The following LETM1 variants were observed in gnomAD, a reference collection of about 807,000 sequenced individuals.
LETM1 encodes the protein leucine zipper and EF-hand containing transmembrane protein 1.
In LETM1, 50 loss-of-function variants were observed where a neutral mutation model predicts 74.5. The observed-to-expected ratio is 0.67, with a 90% CI of 0.53 to 0.85. LETM1 has a LOEUF of 0.85. Ranked by LOEUF, LETM1 falls within the 40% of genes least tolerant of loss-of-function variation. The probability of loss-of-function intolerance (pLI) is 0.00; values close to 1 mark genes in which losing one functional copy is unlikely to be tolerated. For synonymous variants in LETM1, 446 were observed against 407.1 expected (o/e 1.10, Z -1.15); for missense variants, 824 against 967.8 (o/e 0.85, Z 1.97).
intron 1 of LETM1, among the ~76,000 whole-genome samples, chr4:1,853,751 C>A (rs1458498186): frequency 3.9e-5 from 6 of 152,144 alleles, no homozygotes; most frequent in Non-Finnish European, 8.8e-5. Flanking sequence ...TGACAACGAA[C>A]CCTACTCATC....
At chr4:1,815,519 G>A in intron 13 of LETM1, 145 bp downstream of exon 13, 1 of 725,148 alleles carries the variant, frequency 1.4e-6, no homozygotes, top group Admixed American at 2.8e-5. Flanking sequence ...CGGCTTAAAG[G>A]AGCAGTCGCA....
intron 6 of LETM1, among the ~76,000 whole-genome samples, chr4:1,831,899 G>C (rs1453607665): frequency 6.6e-6 from 1 of 152,228 alleles, no homozygotes; most frequent in Non-Finnish European, 1.5e-5. Flanking sequence ...GGACCACCCA[G>C]TTATTAGAGT....
chr4:1,815,721 C>T lies in LETM1; in HGVS notation c.2013G>A (p.Leu671=), dbSNP rs202176358. The change falls in exon 13 of 14, where the codon CTG becomes CTA. Residue 671 remains leucine (L), a synonymous_variant. Transcript: ENST00000302787. ...KHIPESKLTS[L]AAALDENKDG... is the part of the protein sequence containing the mutation. ...CCTTGTTTTCATCCAGTGCTGCGGC[C>T]AGGCTGGTGAGCTTGCTTTCGGGAA... The T allele has an allele frequency of 6.2e-7, 1 of 1,614,234 alleles. No individual in the cohort carries two copies. The highest frequency in any genetic ancestry group is 1.3e-5 in the African/African-American group (1 of 75,066).
Position 1,822,288 on chromosome 4 carries a change from C to T in LETM1, c.1501G>A (p.Val501Ile). ...VAKDFEPERV[V>I]AAPQRPGTEP... ...GTCCCCGGCCTTTGGGGAGCAGCTACCACACGTTCGGGCTCAAAATCCTTC... is the reference window on the plus strand; with the variant it reads ...GTCCCCGGCCTTTGGGGAGCAGCTATCACACGTTCGGGCTCAAAATCCTTC... The change falls in exon 10 of 14, where the codon GTA becomes ATA. Residue 501 changes from valine (V) to isoleucine (I), a missense_variant. Val to Ile is a conservative substitution (Grantham distance 29, BLOSUM62 3). Around this residue, in one of 4 missense-constraint regions of LETM1, gnomAD observed 172 missense variants for 170.7 expected, o/e 1.01. Transcript: ENST00000302787. 6.5e-7 allele frequency: 1 copy of T among 1,530,620 alleles called. No individual in the cohort carries two copies. The highest frequency in any genetic ancestry group is 8.8e-7 in the Non-Finnish European group (1 of 1,131,064). The allele number at this position is 1,530,620 out of a possible 1,614,324, so 94.8% of individuals were successfully genotyped here. A position where few individuals can be genotyped will look rare whatever the true frequency, so the allele number is the denominator to read the frequency against.
rs532115441 is a variant in LETM1 at position 1,841,228 on chromosome 4, C to T, written c.594+119G>A. The T allele has an allele frequency of 1.6e-3, 1,355 of 873,814 alleles. 25 individuals are homozygous for T. In the South Asian group the frequency reaches 0.022, roughly 14 times the overall value. The allele number at this position is 873,814 out of a possible 1,614,324, so 54.1% of individuals were successfully genotyped here. The stretch of plus-strand genomic sequence containing the variant: ...GGTGTGGTGGCACATGCCTGTGGTC[C>T]CAGATACTCGGGAGGCTGAGGCAGG... On this transcript the variant is annotated intron_variant, in intron 3 of 13. Coordinates refer to ENST00000302787, the MANE Select transcript of LETM1 (RefSeq NM_012318.3).
In LETM1 at chr4:1,841,797, C is replaced by T. The variant is rs1560501997; in HGVS notation, c.144G>A (p.Leu48=). ...GAGTGCAGCAGCCAAATGGAACATTCCTTGAAAAGGGAAGAGTGGAAAACA... is the reference window on the plus strand; with the variant it reads ...GAGTGCAGCAGCCAAATGGAACATTTCTTGAAAAGGGAAGAGTGGAAAACA... ...CASTLGLRNC[L]NVPFGCCTPI... Residue 48 remains leucine (L), a splice_region_variant and synonymous_variant, in exon 3 of 14, where the codon CTG becomes CTA. Coordinates refer to ENST00000302787, the MANE Select transcript of LETM1 (RefSeq NM_012318.3). The T allele has an allele frequency of 1.2e-6, 2 of 1,607,700 alleles. No homozygotes were observed. The highest frequency in any genetic ancestry group is 2.2e-5 in the East Asian group (1 of 44,796).
Position 1,836,301 on chromosome 4 carries a change from G to T in LETM1, c.738+128C>A. The T allele has an allele frequency of 2.3e-6, 2 of 854,284 alleles. No homozygotes were observed. The highest frequency in any genetic ancestry group is 3.1e-5 in the South Asian group (2 of 64,360). 52.9% of individuals were successfully genotyped at this position (854,284 alleles called of 1,614,324 possible). ...GCATCCACTAAATAATTATTGCACA[G>T]CACAAGGACAATATGAAGATACATA... On this transcript the variant is annotated intron_variant, in intron 4 of 13. Coordinates refer to ENST00000302787, the MANE Select transcript of LETM1 (RefSeq NM_012318.3). The surrounding 1 kb of genome is among the most constrained non-coding windows in gnomAD (Gnocchi z 5.8).
chr4:1,830,411 A>C (rs932501483), intron 6 of LETM1, among the ~76,000 whole-genome samples: 1 of 152,184 alleles, frequency 6.6e-6, no homozygotes, highest in African/African-American at 2.4e-5. Context: ...ACTCACTGCA[A>C]GCTCAATCTC....
At chr4:1,848,343 T>C (rs1383247514) in intron 2 of LETM1, among the ~76,000 whole-genome samples, 1 of 151,786 alleles carries the variant, frequency 6.6e-6, no homozygotes, top group Non-Finnish European at 1.5e-5. Context: ...GGTCAGGAGA[T>C]TGAGACCATC....
At chr4:1,847,386 A>C (rs1306619301) in intron 2 of LETM1, among the ~76,000 whole-genome samples, 2 of 152,096 alleles carry the variant, frequency 1.3e-5, no homozygotes, top group African/African-American at 2.4e-5. Context: ...AACTGGTTTA[A>C]TGACACTTCA....
intron 6 of LETM1, among the ~76,000 whole-genome samples, chr4:1,829,389 C>CG (rs998699378): frequency 1.3e-5 from 2 of 149,434 alleles, no homozygotes; most frequent in Admixed American, 6.6e-5. Flanking sequence ...GCTGGCCGGG[C>CG]GGGGGGCTGA....
At chr4:1,851,413 C>A (rs1286547937) in intron 1 of LETM1, among the ~76,000 whole-genome samples, 2 of 152,102 alleles carry the variant, frequency 1.3e-5, no homozygotes, top group African/African-American at 2.4e-5. Flanking sequence ...AGGCACTGAC[C>A]CTGCTCCTAG....
chr4:1,816,606 A>T, intron 12 of LETM1, 121 bp downstream of exon 12: 1 of 917,542 alleles, frequency 1.1e-6, no homozygotes, highest in East Asian at 2.6e-5. Context: ...GTGGAGAGGC[A>T]GCCAGGCAGA....
intron 12 of LETM1, 127 bp from the exon 13 acceptor site, chr4:1,815,929 C>T: frequency 9.3e-7 from 1 of 1,075,138 alleles, no homozygotes; most frequent in South Asian, 1.4e-5. Flanking sequence ...AGGCAACCTC[C>T]AGCACGGACC....
intron 1 of LETM1, among the ~76,000 whole-genome samples, chr4:1,855,070 C>T (rs1007879197): frequency 6.6e-6 from 1 of 152,038 alleles, no homozygotes; most frequent in African/African-American, 2.4e-5. Context: ...TGTGGCACAA[C>T]TAACAACTTG....
chr4:1,818,837 T>A (rs1711671623), intron 11 of LETM1, among the ~76,000 whole-genome samples: 1 of 151,876 alleles, frequency 6.6e-6, no homozygotes. Context: ...ATCCCAGCAC[T>A]TTGAGAGGGC....
rs374520233 is a variant in LETM1, at chr4:1,823,601, C to T, written c.1332+43G>A. ...CCCCCACCCCAGAAGAGCGGAGCCA[C>T]CTATGAAGAGATGAGGTAAAAGGGG... On this transcript the variant is annotated intron_variant, in intron 8 of 13. Coordinates refer to ENST00000302787, the MANE Select transcript of LETM1 (RefSeq NM_012318.3). The T allele has an allele frequency of 1.6e-5, 25 of 1,610,250 alleles. No homozygotes were observed. The African/African-American group carries it at 3.3e-4, about 22-fold the overall frequency.
chr4:1,816,663 G>C, intron 12 of LETM1, 64 bp downstream of exon 12: 1 of 1,509,026 alleles, frequency 6.6e-7, no homozygotes, highest in Non-Finnish European at 9.1e-7. Flanking sequence ...CTCGGATCCA[G>C]CAAAGGGACC....
At chr4:1,829,075 G>A (rs1712152899) in intron 6 of LETM1, among the ~76,000 whole-genome samples, 1 of 112,418 alleles carries the variant, frequency 8.9e-6, no homozygotes, top group South Asian at 3.1e-4. Flanking sequence ...CGGGGCGGCT[G>A]GCCGGGCAGA....
Sources: allele counts gnomAD v4.1 joint callset (sites outside exome capture counted in the v4.1 genomes callset), GRCh38; gene constraint gnomAD v4.1.1; regional missense constraint gnomAD v4.1.1; non-coding constraint Gnocchi (gnomAD v3.1); transcripts MANE v1.5; gene names NCBI Gene and HGNC (gene_info 2026-07-23, HGNC 2026-07-21).